Variants in REV3L observed in about 807,000 individuals in gnomAD.
The protein encoded by REV3L is DNA polymerase zeta catalytic subunit.
Under a neutral mutation model 299.4 loss-of-function variants are expected in REV3L, and 69 were observed. The ratio of observed to expected loss-of-function variants is 0.23; its 90% CI spans 0.19 to 0.28. The LOEUF (loss-of-function observed/expected upper bound fraction) is 0.28. Among genes scored for constraint, REV3L ranks in the 10% least tolerant of loss-of-function variants. The pLI is 1.00. For synonymous variants in REV3L, 1,238 were observed against 1,271.4 expected (o/e 0.97, Z 0.56); for missense variants, 3,128 against 3,693.8 (o/e 0.85, Z 3.97).
In REV3L at chr6:111,363,983, A is replaced by T. The variant is rs1327014718; in HGVS notation, c.6754-5T>A. 7 of 1,579,282 alleles carry T rather than the reference A, an allele frequency of 4.4e-6. No homozygotes were observed. The highest frequency in any genetic ancestry group is 1.2e-5 in the South Asian group (1 of 85,164). On this transcript the variant is annotated splice_region_variant and splice_polypyrimidine_tract_variant and intron_variant, in intron 15 of 31. Coordinates refer to ENST00000368802, the MANE Select transcript of REV3L (RefSeq NM_001372078.1). ...ATTTACTGCTGCAAATTGATTCTAT[A>T]AAAAAAAACACACACACACACAGCC... is the stretch of plus-strand genomic sequence containing the variant.
intron 31 of REV3L, among the ~76,000 whole-genome samples, chr6:111,302,364 T>C (rs1771661166): frequency 6.6e-6 from 1 of 152,228 alleles, no homozygotes; most frequent in Non-Finnish European, 1.5e-5. Flanking sequence ...TTAAGCTCTT[T>C]CTGTGCTTGT....
At chr6:111,479,504 CCCG>C (rs1490742114) in intron 1 of REV3L, among the ~76,000 whole-genome samples, 6 of 144,642 alleles carry the variant, frequency 4.1e-5, no homozygotes, top group African/African-American at 1.5e-4. Flanking sequence ...AATATCCCCC[CCCG>C]CCTTTTTTTT....
chr6:111,447,301 A>T (rs561122651), intron 1 of REV3L, among the ~76,000 whole-genome samples: 66 of 152,290 alleles, frequency 4.3e-4, no homozygotes, highest in African/African-American at 1.5e-3. Context: ...GATTATTTCA[A>T]CTCCAACTTT....
At position 111,299,830 on chromosome 6, in the gene REV3L, G is replaced by GT. The variant is rs777985351; in HGVS notation, c.*185dup. 1.3e-5 allele frequency: 6 copies of GT among 469,274 alleles called. No individual in the cohort carries two copies. Among genetic ancestry groups the GT allele is most frequent in the African/African-American group, 4.0e-5 (2 of 49,392 alleles). 29.1% of individuals were successfully genotyped at this position (469,274 alleles called of 1,614,324 possible). A position where few individuals can be genotyped will look rare whatever the true frequency, so the allele number is the denominator to read the frequency against. ...TGACAGAATGAGGAATTTGTACATT[G>GT]TAAGAAGTGAGCTATTCAGAGATCA... On this transcript the variant is annotated 3_prime_UTR_variant, in exon 32 of 32. Coordinates refer to ENST00000368802, the MANE Select transcript of REV3L (RefSeq NM_001372078.1).
intron 11 of REV3L, among the ~76,000 whole-genome samples, chr6:111,379,354 T>C (rs923174059): frequency 9.9e-5 from 15 of 152,216 alleles, no homozygotes; most frequent in Admixed American, 3.3e-4. Flanking sequence ...ATCTAGCCTA[T>C]AGAAGTTTAA....
chr6:111,381,968 G>C (rs1780876946), intron 9 of REV3L, among the ~76,000 whole-genome samples: 1 of 152,190 alleles, frequency 6.6e-6, no homozygotes, highest in African/African-American at 2.4e-5. Flanking sequence ...TTTCATGCCT[G>C]TTTGTGAACT....
chr6:111,377,578 C>G, intron 12 of REV3L, 123 bp downstream of exon 12: 1 of 944,438 alleles, frequency 1.1e-6, no homozygotes, highest in Non-Finnish European at 1.6e-6. Flanking sequence ...TTCAAGTGAT[C>G]CTCTCACCTT....
intron 1 of REV3L, chr6:111,430,616 G>A: frequency 6.5e-7 from 1 of 1,526,964 alleles, no homozygotes; most frequent in Non-Finnish European, 9.1e-7. Context: ...ACACCTCGCA[G>A]AGTGGGGAGG....
intron 1 of REV3L, among the ~76,000 whole-genome samples, chr6:111,421,884 T>C (rs1044562517): frequency 6.6e-6 from 1 of 152,224 alleles, no homozygotes; most frequent in Admixed American, 6.5e-5. Context: ...ATTAACTCCA[T>C]CTGTTTCCTT....
intron 21 of REV3L, among the ~76,000 whole-genome samples, chr6:111,338,477 T>C (rs1776162595): frequency 6.6e-6 from 1 of 151,544 alleles, no homozygotes; most frequent in Non-Finnish European, 1.5e-5. Flanking sequence ...TTTCCTTTGA[T>C]AATTGTTCAT....
At chr6:111,441,102 T>C (rs530199690) in intron 1 of REV3L, among the ~76,000 whole-genome samples, 3 of 152,374 alleles carry the variant, frequency 2.0e-5, no homozygotes, top group Admixed American at 2.0e-4. Flanking sequence ...TCAGTCATTA[T>C]TACTTCAAAT....
chr6:111,332,886 A>C (rs569671998), intron 23 of REV3L, among the ~76,000 whole-genome samples: 9 of 152,328 alleles, frequency 5.9e-5, no homozygotes, highest in Admixed American at 5.9e-4. Context: ...AAACAGTTGC[A>C]AGGCTGACCT....
At chr6:111,303,671 CTT>C (rs144753407) in intron 31 of REV3L, among the ~76,000 whole-genome samples, 12 of 56,084 alleles carry the variant, frequency 2.1e-4, no homozygotes, top group African/African-American at 7.4e-4. Flanking sequence ...CCAGCCGAGG[CTT>C]TTTTTTTTTT....
intron 1 of REV3L, among the ~76,000 whole-genome samples, chr6:111,428,578 T>A (rs1465452321): frequency 1.3e-5 from 2 of 151,946 alleles, no homozygotes; most frequent in South Asian, 4.2e-4. Flanking sequence ...ATACATTTGG[T>A]GAACTGAAAA....
rs774023396 is a variant in REV3L at position 111,373,439 on chromosome 6, A to G, written c.4916T>C (p.Leu1639Ser). Residue 1639 changes from leucine to serine, a missense_variant, in exon 13 of 32, where the codon TTA (leucine) becomes TCA (serine). Leu to Ser is a moderately radical substitution (Grantham distance 145). Transcript: ENST00000368802. ...AAAATTATAATTATGTTCAGGAGAT[A>G]AACTATCTTCAAGTGAGTAACAACT... ...FESCYSLEDSLSPEHNYNFDI... is the reference protein window; with the variant it reads ...FESCYSLEDSSSPEHNYNFDI... 1 of 1,613,750 alleles carries G rather than the reference A, an allele frequency of 6.2e-7. No homozygotes were observed. Among genetic ancestry groups the G allele is most frequent in the Non-Finnish European group, 8.5e-7 (1 of 1,179,870 alleles).
chr6:111,429,481 C>A (rs1786597108), intron 1 of REV3L, among the ~76,000 whole-genome samples: 1 of 152,158 alleles, frequency 6.6e-6, no homozygotes, highest in African/African-American at 2.4e-5. Context: ...ATTAAGTACA[C>A]AAACAAACCA....
intron 1 of REV3L, among the ~76,000 whole-genome samples, chr6:111,462,435 C>G (rs536619334): frequency 6.6e-6 from 1 of 151,950 alleles, no homozygotes; most frequent in South Asian, 2.1e-4. Flanking sequence ...ATGGATCTAA[C>G]AAACTTTCAA....
At chr6:111,303,198 G>A (rs1771804825) in intron 31 of REV3L, among the ~76,000 whole-genome samples, 1 of 126,234 alleles carries the variant, frequency 7.9e-6, no homozygotes, top group South Asian at 2.5e-4. Flanking sequence ...GAGAGAGAGC[G>A]TCTCATTCTG....
chr6:111,482,534 G>C (rs977479211), intron 1 of REV3L, among the ~76,000 whole-genome samples: 2 of 151,844 alleles, frequency 1.3e-5, no homozygotes, highest in Non-Finnish European at 2.9e-5. Flanking sequence ...CCCTGCCCGG[G>C]GGTGGGGGCG....
Sources: gnomAD v4.1 joint callset for allele counts (sites outside exome capture counted in the v4.1 genomes callset) on GRCh38, gnomAD v4.1.1 for gene constraint, MANE v1.5 for transcripts, NCBI Gene and HGNC (gene_info 2026-07-23, HGNC 2026-07-21) for gene names.